The following MIB1 variants were observed in gnomAD, a reference collection of about 807,000 sequenced individuals.
MIB1 encodes E3 ubiquitin-protein ligase MIB1.
A neutral mutation model predicts 124.5 loss-of-function variants in MIB1; 278 were observed. That is an observed-to-expected ratio of 2.23 (90% CI 2.02 to 2.47). MIB1 has a LOEUF of 2.47. MIB1 is among the 30% of genes most tolerant of loss of function. MIB1 has a pLI of 0.00. For missense variants in MIB1, 957 were observed against 1,254.4 expected, an observed-to-expected ratio of 0.76 and a Z score of 3.58; for synonymous variants, 446 against 429.4, an observed-to-expected ratio of 1.04 and a Z score of -0.48.
intron 1 of MIB1, among the ~76,000 whole-genome samples, chr18:21,765,233 T>C (rs2041143105): frequency 6.6e-6 from 1 of 152,224 alleles, no homozygotes; most frequent in Non-Finnish European, 1.5e-5. Context: ...GTGTATTGTT[T>C]CCTTTAAAAT....
chr18:21,834,825 A>C (rs1235379467), intron 12 of MIB1, among the ~76,000 whole-genome samples: 1 of 152,216 alleles, frequency 6.6e-6, no homozygotes, highest in Non-Finnish European at 1.5e-5. Flanking sequence ...AAGAACATTG[A>C]ATAAAACTAA....
chr18:21,818,649 G>T (rs980432721), intron 11 of MIB1, among the ~76,000 whole-genome samples: 4 of 152,000 alleles, frequency 2.6e-5, no homozygotes, highest in Non-Finnish European at 5.9e-5. Flanking sequence ...TACAAAAAAA[G>T]AACTTTGCCG....
At chr18:21,759,284 C>T (rs2146398028) in intron 1 of MIB1, among the ~76,000 whole-genome samples, 1 of 151,280 alleles carries the variant, frequency 6.6e-6, no homozygotes, top group South Asian at 2.1e-4. Flanking sequence ...GCTTTGTAGC[C>T]CAGGCTGGAG....
intron 12 of MIB1, among the ~76,000 whole-genome samples, chr18:21,823,956 T>C (rs1361780799): frequency 1.3e-5 from 2 of 152,180 alleles, no homozygotes; most frequent in African/African-American, 2.4e-5. Context: ...AGTAGCATAA[T>C]CAGCATGTTA....
At chr18:21,728,377 C>A (rs1341467875) in intron 1 of MIB1, among the ~76,000 whole-genome samples, 1 of 152,056 alleles carries the variant, frequency 6.6e-6, no homozygotes, top group African/African-American at 2.4e-5. Context: ...CCTGTAATCC[C>A]AGCTAATTGG....
rs542914003 is a variant in MIB1, at chr18:21,786,496, G to A, written c.909-4878G>A. Among the ~76,000 whole-genome samples the A allele has an allele frequency of 3.3e-5, 5 of 152,130 alleles. No homozygotes were observed. In the South Asian group the frequency reaches 1.0e-3, roughly 32 times the overall value. ...TAGTTTTTGCTTTTATCTTTCTCTA[G>A]ATTTGGAAAGTTTTCTGTTGTAATT... On this transcript the variant is annotated intron_variant, in intron 6 of 20. Transcript: ENST00000261537.
intron 1 of MIB1, among the ~76,000 whole-genome samples, chr18:21,757,451 CAAAAAAAAAAAA>C (rs1202189616): frequency 1.2e-3 from 16 of 13,278 alleles, no homozygotes; most frequent in Non-Finnish European, 1.8e-3. Context: ...GACTCTGTCT[CAAAAAAAAAAAA>C]AAAAAAAAAA....
chr18:21,747,353 A>G (rs1344509458), intron 1 of MIB1, among the ~76,000 whole-genome samples: 1 of 152,214 alleles, frequency 6.6e-6, no homozygotes, highest in African/African-American at 2.4e-5. Context: ...CTTAAAGCAC[A>G]CAGATCACCT....
At chr18:21,788,774 G>A (rs2041468136) in intron 6 of MIB1, among the ~76,000 whole-genome samples, 1 of 152,110 alleles carries the variant, frequency 6.6e-6, no homozygotes, top group African/African-American at 2.4e-5. Context: ...AAGATTGCAG[G>A]AACCAAGATT....
At chr18:21,781,477 G>A (rs568466400) in intron 6 of MIB1, among the ~76,000 whole-genome samples, 98 of 146,532 alleles carry the variant, frequency 6.7e-4, no homozygotes, top group African/African-American at 2.4e-3. Flanking sequence ...GGAGTGGCAC[G>A]ATGTCAGCTC....
At chr18:21,793,181 T>C (rs1165076659) in intron 7 of MIB1, among the ~76,000 whole-genome samples, 1 of 152,232 alleles carries the variant, frequency 6.6e-6, no homozygotes, top group African/African-American at 2.4e-5. Context: ...TAGCAGCACC[T>C]GAACCTGAGA....
intron 20 of MIB1, 56 bp downstream of exon 20, chr18:21,858,702 G>T (rs936436841): frequency 2.3e-6 from 2 of 865,654 alleles, no homozygotes; most frequent in Admixed American, 1.8e-5. Flanking sequence ...ATATTTTCCC[G>T]TAAAACTACT....
intron 16 of MIB1, among the ~76,000 whole-genome samples, chr18:21,847,352 A>G (rs2042144038): frequency 1.3e-5 from 2 of 152,264 alleles, no homozygotes; most frequent in African/African-American, 4.8e-5. Flanking sequence ...AATGCTCTAT[A>G]CTTAATAAGT....
chr18:21,748,394 C>T (rs544643713), intron 1 of MIB1, among the ~76,000 whole-genome samples: 1 of 113,418 alleles, frequency 8.8e-6, no homozygotes, highest in Non-Finnish European at 1.8e-5. Context: ...CTCTCTCCCC[C>T]CTCCCTCTCT....
chr18:21,815,795 C>T lies in MIB1; in HGVS notation c.1659C>T (p.Gly553=). The change falls in exon 11 of 21, where the codon GGC becomes GGT. Residue 553 remains glycine, a synonymous_variant. Transcript: ENST00000261537. ...LQVVKTLLDF[G]CHPSLQDSEG... ...TTGTGAAGACTTTATTGGACTTTGG[C>T]TGTCATCCCAGTCTCCAGGTAAAAC... 1 of 1,614,082 alleles carries T rather than the reference C, an allele frequency of 6.2e-7. No homozygotes were observed. The highest frequency in any genetic ancestry group is 8.5e-7 in the Non-Finnish European group (1 of 1,179,978).
intron 15 of MIB1, 78 bp downstream of exon 15, chr18:21,844,331 A>G: frequency 1.4e-6 from 2 of 1,401,456 alleles, no homozygotes; most frequent in South Asian, 2.6e-5. Flanking sequence ...TGGTAATCTA[A>G]CCTGTATTGG....
At chr18:21,784,520 T>C (rs1277613728) in intron 6 of MIB1, among the ~76,000 whole-genome samples, 4 of 152,286 alleles carry the variant, frequency 2.6e-5, no homozygotes, top group South Asian at 2.1e-4. Flanking sequence ...AGAATAGTTA[T>C]AATAGTTATA....
Position 21,791,375 on chromosome 18 carries a change from T to A in MIB1, c.910T>A (p.Trp304Arg). ...TGAGGTTTAGCTTTGCTCTTGTAGGTGGACCTTCAATCCTGCTGTTCTCAC... is the reference window on the plus strand; with the variant it reads ...TGAGGTTTAGCTTTGCTCTTGTAGGAGGACCTTCAATCCTGCTGTTCTCAC... ...IVVQYPSGNRWTFNPAVLTKA... is the reference protein window; with the variant it reads ...IVVQYPSGNRRTFNPAVLTKA... The change falls in exon 7 of 21, where the codon TGG (tryptophan) becomes AGG (arginine). Residue 304 changes from tryptophan to arginine, a missense_variant and splice_region_variant. Physicochemically the swap from Trp to Arg is moderately radical, Grantham distance 101. Coordinates refer to ENST00000261537, the MANE Select transcript of MIB1 (RefSeq NM_020774.4). 1.2e-6 allele frequency: 2 copies of A among 1,604,714 alleles called. No individual in the cohort carries two copies. Among genetic ancestry groups the A allele is most frequent in the Non-Finnish European group, 8.5e-7 (1 of 1,175,152 alleles).
intron 1 of MIB1, among the ~76,000 whole-genome samples, chr18:21,731,733 C>CAAA (rs1229088832): frequency 5.3e-3 from 181 of 34,230 alleles, no homozygotes; most frequent in African/African-American, 7.3e-3. Flanking sequence ...CCCCGTCTCA[C>CAAA]AAAAAAAAAA....
Sources: gnomAD v4.1 joint callset for allele counts (sites outside exome capture counted in the v4.1 genomes callset) on GRCh38, gnomAD v4.1.1 for gene constraint, MANE v1.5 for transcripts, NCBI Gene and HGNC (gene_info 2026-07-23, HGNC 2026-07-21) for gene names.